Variants in NELL1 observed in about 807,000 individuals in gnomAD.
NELL1 encodes protein kinase C-binding protein NELL1.
Under a neutral mutation model 107.4 loss-of-function variants are expected in NELL1, and 76 were observed. That is an observed-to-expected ratio of 0.71 (90% CI 0.59 to 0.86). The LOEUF is 0.86. Among genes scored for constraint, NELL1 ranks in the 40% least tolerant of loss-of-function variants. The pLI is 0.00. For missense variants in NELL1, 1,024 were observed against 1,005.5 expected, an observed-to-expected ratio of 1.02 and a Z score of -0.25; for synonymous variants, 353 against 341.2, an observed-to-expected ratio of 1.03 and a Z score of -0.38.
intron 15 of NELL1, among the ~76,000 whole-genome samples, chr11:21,395,100 G>A (rs1851953954): frequency 6.6e-6 from 1 of 151,464 alleles, no homozygotes; most frequent in Non-Finnish European, 1.5e-5. Context: ...AATTACCTAT[G>A]AAAAGTGTAC....
intron 9 of NELL1, among the ~76,000 whole-genome samples, chr11:20,931,345 G>T (rs940663174): frequency 6.6e-6 from 1 of 152,144 alleles, no homozygotes; most frequent in Admixed American, 6.5e-5. Flanking sequence ...AGAGAATGAG[G>T]ATTGCTAGAG....
At chr11:21,390,367 G>GATA (rs35024726) in intron 15 of NELL1, among the ~76,000 whole-genome samples, 2,722 of 147,658 alleles carry the variant, frequency 0.018, 40 homozygotes, top group African/African-American at 0.042. Flanking sequence ...TAATAACAAT[G>GATA]ATAATAATAA....
intron 15 of NELL1, among the ~76,000 whole-genome samples, chr11:21,384,921 T>A (rs1172969117): frequency 6.6e-6 from 1 of 150,422 alleles, no homozygotes; most frequent in Admixed American, 6.6e-5. Flanking sequence ...CCTTACTTTT[T>A]AAAAATTATT....
At chr11:20,916,733 C>T (rs373455692) in intron 5 of NELL1, among the ~76,000 whole-genome samples, 1 of 151,848 alleles carries the variant, frequency 6.6e-6, no homozygotes, top group East Asian at 1.9e-4. Flanking sequence ...TGTCTGTTTA[C>T]ATTCTTTTAT....
chr11:21,033,987 A>G (rs1853026823), intron 12 of NELL1, among the ~76,000 whole-genome samples: 1 of 152,048 alleles, frequency 6.6e-6, no homozygotes, highest in African/African-American at 2.4e-5. Context: ...TTCTTTAATG[A>G]TCAGTGATGT....
At chr11:20,922,104 C>T (rs185818031) in intron 7 of NELL1, among the ~76,000 whole-genome samples, 236 of 152,088 alleles carry the variant, frequency 1.6e-3, no homozygotes, top group Non-Finnish European at 2.7e-3. Flanking sequence ...CTGAGGGTAT[C>T]TCATGTTAGG....
chr11:21,028,297 A>C (rs1223369041), intron 12 of NELL1, among the ~76,000 whole-genome samples: 5 of 152,128 alleles, frequency 3.3e-5, no homozygotes, highest in Non-Finnish European at 7.4e-5. Flanking sequence ...GCCAGGATTG[A>C]GAACCTCTGC....
chr11:20,694,005 A>T (rs1854546140), intron 2 of NELL1, among the ~76,000 whole-genome samples: 1 of 151,838 alleles, frequency 6.6e-6, no homozygotes, highest in African/African-American at 2.4e-5. Flanking sequence ...TTTTTTCTCT[A>T]AACTTCCCTT....
intron 14 of NELL1, among the ~76,000 whole-genome samples, chr11:21,312,189 G>A (rs1315557659): frequency 6.6e-6 from 1 of 152,130 alleles, no homozygotes; most frequent in African/African-American, 2.4e-5. Context: ...TAAGTAAACT[G>A]AGGTGTAGAT....
At chr11:20,686,212 A>C (rs1215858330) in intron 2 of NELL1, among the ~76,000 whole-genome samples, 1 of 152,118 alleles carries the variant, frequency 6.6e-6, no homozygotes, top group Non-Finnish European at 1.5e-5. Context: ...GCCTGTTAAT[A>C]ATATCGATAC....
At chr11:21,165,051 G>A (rs185960991) in intron 13 of NELL1, among the ~76,000 whole-genome samples, 8 of 152,206 alleles carry the variant, frequency 5.3e-5, no homozygotes, top group East Asian at 1.9e-4. Context: ...GATAAAACAC[G>A]TCTAATTATT....
At chr11:21,270,096 A>G (rs1270563576) in intron 14 of NELL1, among the ~76,000 whole-genome samples, 1 of 152,130 alleles carries the variant, frequency 6.6e-6, no homozygotes, top group Non-Finnish European at 1.5e-5. Flanking sequence ...TCATAAAATG[A>G]TTAATGAAAA....
intron 12 of NELL1, among the ~76,000 whole-genome samples, chr11:20,985,722 A>G (rs1157167593): frequency 1.3e-5 from 2 of 152,228 alleles, no homozygotes; most frequent in Non-Finnish European, 2.9e-5. Flanking sequence ...GCTAGTTTAG[A>G]TAAACTGGCC....
chr11:21,521,790 A>G (rs1328165700), intron 15 of NELL1, among the ~76,000 whole-genome samples: 1 of 152,182 alleles, frequency 6.6e-6, no homozygotes, highest in African/African-American at 2.4e-5. Context: ...TCTTATTAAT[A>G]ATAGCCATTC....
At chr11:20,951,553 G>A (rs1390312805) in intron 11 of NELL1, among the ~76,000 whole-genome samples, 1 of 152,158 alleles carries the variant, frequency 6.6e-6, no homozygotes, top group Non-Finnish European at 1.5e-5. Flanking sequence ...TTTGTGTCAT[G>A]TCAAATGCTG....
chr11:20,804,064 C>CATATAT (rs55678470), intron 3 of NELL1, among the ~76,000 whole-genome samples: 17 of 149,518 alleles, frequency 1.1e-4, no homozygotes, highest in African/African-American at 3.2e-4. Context: ...ATTTAATAAA[C>CATATAT]ATATATATAT....
chr11:21,111,371 G>A (rs963138979), intron 12 of NELL1, among the ~76,000 whole-genome samples: 1 of 152,014 alleles, frequency 6.6e-6, no homozygotes, highest in Non-Finnish European at 1.5e-5. Context: ...AGCCTCTATA[G>A]TTTCCCTACC....
intron 4 of NELL1, among the ~76,000 whole-genome samples, chr11:20,875,166 GTTTAT>G (rs780269272): frequency 3.3e-5 from 5 of 152,214 alleles, no homozygotes; most frequent in East Asian, 1.9e-4. Flanking sequence ...CCAAAAAGGT[GTTTAT>G]TTTATTTTAT....
rs138534682 is a variant in NELL1 at position 21,240,853 on chromosome 11, A to G, written c.1549+11399A>G. Among the ~76,000 whole-genome samples the G allele has an allele frequency of 1.8e-3, 270 of 152,018 alleles. 2 individuals are homozygous for G. Among genetic ancestry groups the G allele is most frequent in the Non-Finnish European group, 3.1e-3 (209 of 67,934 alleles). On this transcript the variant is annotated intron_variant, in intron 14 of 19. Coordinates refer to ENST00000357134, the MANE Select transcript of NELL1 (RefSeq NM_006157.5). ...TCAGCGCTTACCTTTTAAAGTTTGCAGCCCAGTAGACAGTAACTACATCCC... is the reference window on the plus strand; with the variant it reads ...TCAGCGCTTACCTTTTAAAGTTTGCGGCCCAGTAGACAGTAACTACATCCC...
Sources: gnomAD v4.1 joint callset for allele counts (sites outside exome capture counted in the v4.1 genomes callset) on GRCh38, gnomAD v4.1.1 for gene constraint, MANE v1.5 for transcripts, NCBI Gene and HGNC (gene_info 2026-07-23, HGNC 2026-07-21) for gene names.